PCDH15: variants seen among roughly 807,000 people sequenced by gnomAD.
PCDH15 encodes protocadherin related 15.
A neutral mutation model predicts 178.5 loss-of-function variants in PCDH15; 129 were observed. The ratio of observed to expected loss-of-function variants is 0.72; its 90% CI spans 0.63 to 0.84. PCDH15 has a LOEUF of 0.84. PCDH15 is among the 40% of genes least tolerant of loss of function. The pLI is 0.00. For synonymous variants in PCDH15, 800 were observed against 732.0 expected, an observed-to-expected ratio of 1.09 and a Z score of -1.50; for missense variants, 2,230 against 2,099.9, an observed-to-expected ratio of 1.06 and a Z score of -1.21.
chr10:54,260,641 C>T (rs1044359979), intron 8 of PCDH15, among the ~76,000 whole-genome samples: 5 of 151,896 alleles, frequency 3.3e-5, no homozygotes, highest in Admixed American at 2.6e-4. Flanking sequence ...AGTGCAGTGG[C>T]GCGATCTCGG....
intron 2 of PCDH15, among the ~76,000 whole-genome samples, chr10:54,944,164 C>T (rs1838132061): frequency 6.6e-6 from 1 of 151,870 alleles, no homozygotes; most frequent in African/African-American, 2.4e-5. Flanking sequence ...TTTTAGAATT[C>T]CCCATGACCA....
chr10:53,957,608 G>T (rs981014908), intron 23 of PCDH15, among the ~76,000 whole-genome samples: 2 of 151,508 alleles, frequency 1.3e-5, no homozygotes, highest in African/African-American at 4.8e-5. Context: ...AGTGACACAG[G>T]ACAGCACAAG....
rs567519846 is a variant in PCDH15 at position 54,733,843 on chromosome 10, G to T, written c.-29+67082C>A. ...GTTGCTTTAAAGACAATAATAAAAA[G>T]ACTTAATTTTAAATAAATAGTGCCA... On this transcript the variant is annotated intron_variant, in intron 1 of 37. Transcript: ENST00000644397. Among the ~76,000 whole-genome samples the T allele has an allele frequency of 1.0e-3, 153 of 151,226 alleles. 1 individual carries two copies. The highest frequency in any genetic ancestry group is 3.5e-3 in the African/African-American group (146 of 41,378).
intron 1 of PCDH15, among the ~76,000 whole-genome samples, chr10:55,269,433 T>G (rs1443620256): frequency 2.9e-4 from 44 of 152,060 alleles, no homozygotes; most frequent in Admixed American, 2.8e-3. Context: ...TTTAGTAAGG[T>G]TTCAGGATAC....
At chr10:55,073,312 C>T (rs1243079635) in intron 2 of PCDH15, among the ~76,000 whole-genome samples, 1 of 151,842 alleles carries the variant, frequency 6.6e-6, no homozygotes, top group Non-Finnish European at 1.5e-5. Flanking sequence ...TCAAATTGTC[C>T]CTGTTTGCAG....
intron 8 of PCDH15, among the ~76,000 whole-genome samples, chr10:54,304,301 A>T (rs1203372773): frequency 6.6e-6 from 1 of 152,104 alleles, no homozygotes; most frequent in Non-Finnish European, 1.5e-5. Flanking sequence ...ATACCAACAA[A>T]AACAAATAAA....
At chr10:55,353,998 C>A (rs1845009306) in intron 2 of PCDH15, among the ~76,000 whole-genome samples, 1 of 151,940 alleles carries the variant, frequency 6.6e-6, no homozygotes, top group African/African-American at 2.4e-5. Context: ...TTCATATTTC[C>A]TTGCCCAACA....
chr10:54,546,946 A>C (rs2085928721), intron 2 of PCDH15, among the ~76,000 whole-genome samples: 1 of 152,170 alleles, frequency 6.6e-6, no homozygotes. Context: ...TGGGCAACTG[A>C]GCTAGAGTCT....
intron 2 of PCDH15, among the ~76,000 whole-genome samples, chr10:54,663,164 T>C (rs2094517404): frequency 6.6e-6 from 1 of 151,902 alleles, no homozygotes; most frequent in African/African-American, 2.4e-5. Flanking sequence ...TTGAACATTG[T>C]TTGTGAAAAA....
intron 2 of PCDH15, chr10:54,655,411 G>A (rs1239542170): frequency 2.7e-5 from 4 of 148,246 alleles, no homozygotes; most frequent in African/African-American, 1.0e-4. Context: ...CTTGGGTAAG[G>A]GGTGTGTGTG....
intron 2 of PCDH15, among the ~76,000 whole-genome samples, chr10:55,343,098 A>ACTT (rs1844647282): frequency 6.6e-6 from 1 of 152,186 alleles, no homozygotes; most frequent in South Asian, 2.1e-4. Flanking sequence ...ATCTTCCTGG[A>ACTT]CTTATGCACA....
intron 21 of PCDH15, among the ~76,000 whole-genome samples, chr10:53,989,061 T>C (rs2091297202): frequency 6.6e-6 from 1 of 152,170 alleles, no homozygotes; most frequent in Admixed American, 6.5e-5. Context: ...AGCTCAGCAT[T>C]TGCCTTATTT....
upstream of PCDH15, among the ~76,000 whole-genome samples, chr10:55,321,398 A>G (rs1314162641): frequency 6.6e-6 from 1 of 152,192 alleles, no homozygotes; most frequent in Non-Finnish European, 1.5e-5. Flanking sequence ...AGAATGAGAG[A>G]AAGCAAGCAA....
chr10:54,327,815 T>G (rs1252239766), intron 7 of PCDH15, among the ~76,000 whole-genome samples: 1 of 152,028 alleles, frequency 6.6e-6, no homozygotes, highest in African/African-American at 2.4e-5. Context: ...ATAGCTGCTT[T>G]AAAAAAGAAA....
intron 2 of PCDH15, among the ~76,000 whole-genome samples, chr10:55,035,092 A>G (rs967529623): frequency 1.3e-5 from 2 of 152,296 alleles, no homozygotes; most frequent in Admixed American, 1.3e-4. Flanking sequence ...ATTTCAAATT[A>G]CAAATTAACT....
At chr10:53,856,588 C>CA (rs1439005616) in intron 28 of PCDH15, among the ~76,000 whole-genome samples, 1 of 152,026 alleles carries the variant, frequency 6.6e-6, no homozygotes, top group Non-Finnish European at 1.5e-5. Context: ...ATTGGAGCCA[C>CA]AAAATCAAGG....
intron 3 of PCDH15, among the ~76,000 whole-genome samples, chr10:54,472,980 T>C (rs1307798023): frequency 1.3e-5 from 2 of 152,196 alleles, no homozygotes; most frequent in African/African-American, 4.8e-5. Context: ...AAATTGTTGA[T>C]TTAAAAATGT....
At chr10:54,508,496 C>T (rs1356702576) in intron 3 of PCDH15, among the ~76,000 whole-genome samples, 1 of 152,092 alleles carries the variant, frequency 6.6e-6, no homozygotes, top group African/African-American at 2.4e-5. Context: ...TACTAAATGT[C>T]ATAGCATAAC....
chr10:54,418,086 T>G (rs550325644), intron 3 of PCDH15, among the ~76,000 whole-genome samples: 1 of 152,272 alleles, frequency 6.6e-6, no homozygotes, highest in Admixed American at 6.5e-5. Flanking sequence ...CAATTGCCAC[T>G]GTGCCCAGCC....
Sources: gnomAD v4.1 joint callset for allele counts (sites outside exome capture counted in the v4.1 genomes callset) on GRCh38, gnomAD v4.1.1 for gene constraint, MANE v1.5 for transcripts, NCBI Gene and HGNC (gene_info 2026-07-23, HGNC 2026-07-21) for gene names.